BRINP2: variants seen among roughly 807,000 people sequenced by gnomAD.
BRINP2 encodes the protein BMP/retinoic acid-inducible neural-specific protein 2.
BRINP2 carries 21 observed loss-of-function variants against 69.2 expected under a neutral mutation model. The ratio of observed to expected loss-of-function variants is 0.30; its 90% CI spans 0.22 to 0.44. BRINP2 has a LOEUF of 0.44. Among genes scored for constraint, BRINP2 ranks in the 20% least tolerant of loss-of-function variants. The pLI, the probability that BRINP2 is intolerant of heterozygous loss-of-function variation, is 1.00. For synonymous variants in BRINP2, 380 were observed against 394.1 expected (o/e 0.96, Z 0.42); for missense variants, 877 against 986.0 (o/e 0.89, Z 1.48).
At chr1:177,179,663 A>C (rs1231261208) in intron 1 of BRINP2, among the ~76,000 whole-genome samples, 1 of 151,948 alleles carries the variant, frequency 6.6e-6, no homozygotes, top group Non-Finnish European at 1.5e-5. Flanking sequence ...TCCTGTGAAC[A>C]ACGTGTCACT....
intron 7 of BRINP2, 125 bp from the exon 8 acceptor site, chr1:177,280,287 A>G (rs1651646583): frequency 5.0e-6 from 5 of 1,009,764 alleles, no homozygotes; most frequent in Non-Finnish European, 5.9e-6. Flanking sequence ...CCACTCAGAG[A>G]TCTTGGGGAT....
intron 1 of BRINP2, among the ~76,000 whole-genome samples, chr1:177,212,454 A>C (rs1418081671): frequency 6.6e-6 from 1 of 151,958 alleles, no homozygotes; most frequent in African/African-American, 2.4e-5. Flanking sequence ...CTGAGGTAGG[A>C]GAATGGTGTG....
intron 1 of BRINP2, among the ~76,000 whole-genome samples, chr1:177,177,827 T>C (rs1228933176): frequency 6.6e-6 from 1 of 152,198 alleles, no homozygotes; most frequent in African/African-American, 2.4e-5. Flanking sequence ...TTCAGGCACA[T>C]TGTAGATGCT....
intron 4 of BRINP2, among the ~76,000 whole-genome samples, chr1:177,264,968 T>C (rs1182915886): frequency 1.3e-5 from 2 of 152,198 alleles, no homozygotes; most frequent in Non-Finnish European, 2.9e-5. Context: ...AAATTTCATA[T>C]GGAAACAAAA....
At chr1:177,239,463 C>T (rs1650129796) in intron 2 of BRINP2, among the ~76,000 whole-genome samples, 1 of 152,326 alleles carries the variant, frequency 6.6e-6, no homozygotes, top group African/African-American at 2.4e-5. Flanking sequence ...TTACTTCTTG[C>T]CTGGCCATGG....
intron 1 of BRINP2, among the ~76,000 whole-genome samples, chr1:177,205,951 A>T (rs1443106516): frequency 6.6e-6 from 1 of 152,232 alleles, no homozygotes; most frequent in Non-Finnish European, 1.5e-5. Flanking sequence ...ATACAGCAGA[A>T]ATGATGATGT....
In BRINP2 at chr1:177,257,189, G is replaced by T. The variant is rs1650792430; in HGVS notation, c.474G>T (p.Leu158=). 2 of 1,613,992 alleles carry T rather than the reference G, an allele frequency of 1.2e-6. No homozygotes were observed. The highest frequency in any genetic ancestry group is 1.1e-5 in the South Asian group (1 of 91,012). ...TGTTCACCATAGGAGAAGAGTCCCT[G>T]ACCATTTTTGTGGACAAGCAGAAAC... is the stretch of plus-strand genomic sequence containing the variant. ...LSATLGGEES[L]TIFVDKQKLG... is the part of the protein sequence containing the mutation. The change falls in exon 4 of 8, where the codon CTG becomes CTT. Residue 158 remains leucine (L), a synonymous_variant. Coordinates refer to ENST00000361539, the MANE Select transcript of BRINP2 (RefSeq NM_021165.4).
Position 177,278,587 on chromosome 1 carries a change from G to A in BRINP2, c.1037G>A (p.Arg346Lys). The stretch of plus-strand genomic sequence containing the variant: ...GAAGAGTTCCAGGCCCTGCTGAAAA[G>A]GCTGCCCGATGACCGGTTCCTGAAC... ...ESEEFQALLK[R>K]LPDDRFLNST... The change falls in exon 7 of 8, where the codon AGG becomes AAG. Residue 346 changes from arginine to lysine, a missense_variant. Physicochemically the swap from Arg to Lys is conservative, Grantham distance 26. Around this residue, in one of 3 missense-constraint regions of BRINP2, gnomAD observed 566 missense variants for 625.2 expected, o/e 0.91. Transcript: ENST00000361539. 1 of 1,614,176 alleles carries A rather than the reference G, an allele frequency of 6.2e-7. No homozygotes were observed.
In BRINP2 at chr1:177,280,482, T is replaced by G; in HGVS notation, c.1306T>G (p.Phe436Val). 6.2e-7 allele frequency: 1 copy of G among 1,614,202 alleles called. No homozygotes were observed. The highest frequency in any genetic ancestry group is 8.5e-7 in the Non-Finnish European group (1 of 1,180,026). Reference protein sequence around the residue: ...YCGESTFPGTFLEQSHSCTCP... With the variant: ...YCGESTFPGTVLEQSHSCTCP... Reference sequence around the variant, plus strand: ...TGGGGAAAGCACCTTTCCTGGCACTTTCCTGGAACAGAGCCACAGCTGCAC... The same window carrying G: ...TGGGGAAAGCACCTTTCCTGGCACTGTCCTGGAACAGAGCCACAGCTGCAC... The change falls in exon 8 of 8, where the codon TTC becomes GTC. Residue 436 changes from phenylalanine to valine, a missense_variant. This residue lies in a region of BRINP2 where 566 missense variants were observed against 625.2 expected (regional missense o/e 0.91). Transcript: ENST00000361539.
Position 177,281,079 on chromosome 1 carries a change from T to G in BRINP2, c.1903T>G (p.Trp635Gly). Residue 635 changes from tryptophan (W) to glycine (G), a missense_variant, in exon 8 of 8, where the codon TGG becomes GGG. Trp to Gly is a radical substitution (Grantham distance 184). This residue lies in a region of BRINP2 where 225 missense variants were observed against 218.7 expected (regional missense o/e 1.03). Transcript: ENST00000361539. ...CTGGACTATCACCTTGGGGAATAGG[T>G]GGAAGACTTTCTTTGAGACAGTTCA... Reference protein sequence around the residue: ...QNWTITLGNRWKTFFETVHVY... With the variant: ...QNWTITLGNRGKTFFETVHVY... 6.2e-7 allele frequency: 1 copy of G among 1,614,202 alleles called. No homozygotes were observed. The highest frequency in any genetic ancestry group is 8.5e-7 in the Non-Finnish European group (1 of 1,180,042).
At chr1:177,191,683 T>C (rs1328441683) in intron 1 of BRINP2, among the ~76,000 whole-genome samples, 1 of 152,204 alleles carries the variant, frequency 6.6e-6, no homozygotes, top group Non-Finnish European at 1.5e-5. Context: ...CTCAAACTCC[T>C]GACCTTGTGA....
chr1:177,261,978 G>A (rs1191966059), intron 4 of BRINP2, among the ~76,000 whole-genome samples: 1 of 152,216 alleles, frequency 6.6e-6, no homozygotes, highest in Non-Finnish European at 1.5e-5. Context: ...TCAATTTGGT[G>A]ACATGGAGGT....
chr1:177,183,948 C>G (rs1240643119), intron 1 of BRINP2, among the ~76,000 whole-genome samples: 1 of 152,094 alleles, frequency 6.6e-6, no homozygotes, highest in Non-Finnish European at 1.5e-5. Context: ...ATGGGACATT[C>G]AATGAGAAAT....
intron 4 of BRINP2, among the ~76,000 whole-genome samples, chr1:177,266,751 C>G (rs1023534775): frequency 6.4e-4 from 79 of 123,396 alleles, no homozygotes; most frequent in African/African-American, 2.3e-3. Flanking sequence ...CAGTGGGAGA[C>G]TCACTCTAAA....
At chr1:177,262,511 G>GA (rs55853632) in intron 4 of BRINP2, among the ~76,000 whole-genome samples, 66,344 of 140,798 alleles carry the variant, frequency 0.47, 17,161 homozygotes, top group East Asian at 0.82. Flanking sequence ...CCTCTGTCTG[G>GA]AAAAAAAAAA....
chr1:177,256,610 G>A, intron 3 of BRINP2: 3 of 985,430 alleles, frequency 3.0e-6, no homozygotes, highest in Non-Finnish European at 3.6e-6. Flanking sequence ...GAGCAATGTG[G>A]GCTAGGACCC....
At chr1:177,266,758 TA>T (rs1223096305) in intron 4 of BRINP2, among the ~76,000 whole-genome samples, 503 of 59,330 alleles carry the variant, frequency 8.5e-3, no homozygotes, top group African/African-American at 0.025. Flanking sequence ...AGACTCACTC[TA>T]AAAAAAAAAA....
chr1:177,281,062 T>C lies in BRINP2; in HGVS notation c.1886T>C (p.Ile629Thr). 1 of 1,614,200 alleles carries C rather than the reference T, an allele frequency of 6.2e-7. No homozygotes were observed. The highest frequency in any genetic ancestry group is 8.5e-7 in the Non-Finnish European group (1 of 1,180,038). The part of the protein sequence containing the change: ...DAAAQCQNWT[I>T]TLGNRWKTFF... The stretch of plus-strand genomic sequence containing the variant: ...GCTGCCCAGTGCCAAAACTGGACTA[T>C]CACCTTGGGGAATAGGTGGAAGACT... Residue 629 changes from isoleucine to threonine, a missense_variant, in exon 8 of 8, where the codon ATC becomes ACC. Physicochemically the swap from Ile to Thr is moderately conservative, Grantham distance 89. Transcript: ENST00000361539.
chr1:177,190,833 C>A (rs1212322738), intron 1 of BRINP2, among the ~76,000 whole-genome samples: 1 of 152,140 alleles, frequency 6.6e-6, no homozygotes, highest in Non-Finnish European at 1.5e-5. Context: ...CAGATCTAAG[C>A]CTCTTCATTT....
Sources: gnomAD v4.1 joint callset for allele counts (sites outside exome capture counted in the v4.1 genomes callset) on GRCh38, gnomAD v4.1.1 for gene constraint, gnomAD v4.1.1 regional missense constraint, MANE v1.5 for transcripts, NCBI Gene and HGNC (gene_info 2026-07-23, HGNC 2026-07-21) for gene names.